The following MTUS2 variants were observed in gnomAD, a reference collection of about 807,000 sequenced individuals.
MTUS2 encodes microtubule-associated tumor suppressor candidate 2.
A neutral mutation model predicts 114.1 loss-of-function variants in MTUS2; 40 were observed. The observed-to-expected ratio is 0.35, with a 90% confidence interval of 0.27 to 0.46. The LOEUF (loss-of-function observed/expected upper bound fraction) is 0.46, where lower values mean the gene tolerates loss of function less well. Ranked by LOEUF, MTUS2 falls within the 20% of genes least tolerant of loss-of-function variation. The pLI is 1.00. For missense variants in MTUS2, 1,679 were observed against 1,705.4 expected, an observed-to-expected ratio of 0.98 and a Z score of 0.27; for synonymous variants, 688 against 672.0, an observed-to-expected ratio of 1.02 and a Z score of -0.37.
At chr13:29,099,027 C>T (rs1309375976) in intron 4 of MTUS2, among the ~76,000 whole-genome samples, 4 of 152,278 alleles carry the variant, frequency 2.6e-5, no homozygotes, top group Non-Finnish European at 4.4e-5. Flanking sequence ...CTACAGACAT[C>T]GTCCACAATC....
chr13:29,417,332 C>T (rs1566189099), intron 8 of MTUS2, among the ~76,000 whole-genome samples: 1 of 152,196 alleles, frequency 6.6e-6, no homozygotes, highest in Non-Finnish European at 1.5e-5. Flanking sequence ...CCAGGTCCCA[C>T]CTTCAACACT....
At chr13:29,377,798 A>C (rs3125705) in intron 8 of MTUS2, among the ~76,000 whole-genome samples, 1 of 151,680 alleles carries the variant, frequency 6.6e-6, no homozygotes, top group African/African-American at 2.4e-5. Context: ...AAAACATAAA[A>C]ATCAAGGAGA....
At chr13:28,826,537 G>T (rs1042238114) in intron 1 of MTUS2, among the ~76,000 whole-genome samples, 3 of 152,192 alleles carry the variant, frequency 2.0e-5, no homozygotes, top group African/African-American at 7.2e-5. Context: ...AAAAACAAAA[G>T]AGTGTTTACA....
chr13:29,394,725 C>T (rs1407751070), intron 8 of MTUS2, among the ~76,000 whole-genome samples: 1 of 152,314 alleles, frequency 6.6e-6, no homozygotes, highest in East Asian at 1.9e-4. Flanking sequence ...GGGAGGTGTG[C>T]AGGAGGTGAG....
intron 5 of MTUS2, among the ~76,000 whole-genome samples, chr13:29,193,763 C>A (rs1240671454): frequency 6.6e-6 from 1 of 151,742 alleles, no homozygotes; most frequent in Non-Finnish European, 1.5e-5. Context: ...CATGTGGAAC[C>A]AAAAAAGAGC....
At chr13:29,414,772 T>C (rs1456266945) in intron 8 of MTUS2, among the ~76,000 whole-genome samples, 1 of 152,118 alleles carries the variant, frequency 6.6e-6, no homozygotes, top group East Asian at 1.9e-4. Context: ...AGTCTACTGG[T>C]TTTCTATTCT....
chr13:28,824,958 C>T (rs1166447888), intron 1 of MTUS2, among the ~76,000 whole-genome samples: 5 of 152,148 alleles, frequency 3.3e-5, no homozygotes, highest in Non-Finnish European at 2.9e-5. Flanking sequence ...AGATGTTGAG[C>T]AGAGCCCTAA....
rs759235281 is a variant in MTUS2, at chr13:29,281,839, C to G, written c.2780C>G (p.Ala927Gly). 22 of 1,603,416 alleles carry G rather than the reference C, an allele frequency of 1.4e-5. No individual in the cohort carries two copies. In the Admixed American group the frequency reaches 2.7e-4, roughly 20 times the overall value. Residue 927 changes from alanine to glycine, a missense_variant, in exon 6 of 16, where the codon GCG (alanine) becomes GGG (glycine). By Grantham distance (60) the Ala-to-Gly change is moderately conservative. Coordinates refer to ENST00000612955, the MANE Select transcript of MTUS2 (RefSeq NM_001033602.4). The part of the protein sequence containing the change: ...VTAPRRSLLP[A>G]PKSTSTPAGT... The stretch of plus-strand genomic sequence containing the variant: ...GCACCCCGCAGGAGTTTACTTCCAG[C>G]GCCAAAATCCACTTCCACACCCGCT...
At chr13:29,104,118 C>A (rs1313485791) in intron 5 of MTUS2, among the ~76,000 whole-genome samples, 1 of 152,202 alleles carries the variant, frequency 6.6e-6, no homozygotes, top group Admixed American at 6.5e-5. Flanking sequence ...GGCTTCAGGC[C>A]ATTAGCCCAA....
intron 4 of MTUS2, among the ~76,000 whole-genome samples, chr13:29,037,843 C>T (rs1887152577): frequency 6.6e-6 from 1 of 152,136 alleles, no homozygotes; most frequent in Non-Finnish European, 1.5e-5. Flanking sequence ...AGTTTTCATG[C>T]TGTGTTTTCA....
chr13:29,277,375 T>C (rs1248462149), intron 5 of MTUS2, among the ~76,000 whole-genome samples: 2 of 152,202 alleles, frequency 1.3e-5, no homozygotes, highest in African/African-American at 4.8e-5. Context: ...ATGTTGACAT[T>C]TTTCATGGAA....
At chr13:29,390,812 T>C (rs566048470) in intron 8 of MTUS2, among the ~76,000 whole-genome samples, 165 of 150,670 alleles carry the variant, frequency 1.1e-3, no homozygotes, top group Middle Eastern at 6.8e-3. Context: ...AGATGTAGTG[T>C]CGCTCTGTCA....
intron 2 of MTUS2, among the ~76,000 whole-genome samples, chr13:28,944,733 C>T (rs1299955467): frequency 2.0e-5 from 3 of 152,186 alleles, no homozygotes; most frequent in Non-Finnish European, 4.4e-5. Context: ...TCTGAACAGG[C>T]TAAATCACAC....
At chr13:28,932,273 T>G (rs979348230) in intron 2 of MTUS2, among the ~76,000 whole-genome samples, 1 of 152,234 alleles carries the variant, frequency 6.6e-6, no homozygotes, top group Non-Finnish European at 1.5e-5. Flanking sequence ...GTTTGTTTCC[T>G]TGTTTGCTGA....
chr13:29,420,381 G>T (rs576808176), intron 8 of MTUS2, among the ~76,000 whole-genome samples: 1 of 151,144 alleles, frequency 6.6e-6, no homozygotes. Flanking sequence ...CAGTTCAAGC[G>T]ATTCTCCTGC....
intron 4 of MTUS2, among the ~76,000 whole-genome samples, chr13:29,039,336 TGC>T (rs1181126050): frequency 1.3e-5 from 2 of 152,234 alleles, no homozygotes; most frequent in East Asian, 1.9e-4. Context: ...GGGCCAAGTG[TGC>T]AGAGCTTGGT....
chr13:28,993,911 T>A (rs1884970822), intron 2 of MTUS2, among the ~76,000 whole-genome samples: 1 of 152,126 alleles, frequency 6.6e-6, no homozygotes. Context: ...TTTTATTTTT[T>A]ATTATTATAC....
intron 6 of MTUS2, among the ~76,000 whole-genome samples, chr13:29,286,648 A>ATCTGTCTGTCTGTCTGTCTGTCTG (rs908168290): frequency 6.9e-6 from 1 of 145,966 alleles, no homozygotes; most frequent in African/African-American, 2.6e-5. Context: ...TGCACTATCT[A>ATCTGTCTGTCTGTCTGTCTGTCTG]TCTGTCTGTC....
At chr13:29,224,284 A>C (rs1230407435) in intron 5 of MTUS2, among the ~76,000 whole-genome samples, 1 of 152,214 alleles carries the variant, frequency 6.6e-6, no homozygotes, top group Non-Finnish European at 1.5e-5. Context: ...AATTTACTTC[A>C]AAAAGGCCCT....
Sources: gnomAD v4.1 joint callset for allele counts (sites outside exome capture counted in the v4.1 genomes callset) on GRCh38, gnomAD v4.1.1 for gene constraint, MANE v1.5 for transcripts, NCBI Gene and HGNC (gene_info 2026-07-23, HGNC 2026-07-21) for gene names.